ERI1: variants seen among roughly 807,000 people sequenced by gnomAD.
The protein encoded by ERI1 is 3'-5' exoribonuclease 1.
In ERI1, 39 loss-of-function variants were observed where a neutral mutation model predicts 39.7. The ratio of observed to expected loss-of-function variants is 0.98; its 90% CI spans 0.76 to 1.28. The LOEUF is 1.28. Ranked by LOEUF, ERI1 falls within the 50% of genes most tolerant of loss-of-function variation. The pLI is 0.00. For synonymous variants in ERI1, 204 were observed against 149.6 expected (o/e 1.36, Z -2.65); for missense variants, 581 against 416.9 (o/e 1.39, Z -3.43).
chr8:9,044,662 A>C (rs1052979124), intron 3 of ERI1, among the ~76,000 whole-genome samples: 1 of 152,124 alleles, frequency 6.6e-6, no homozygotes, highest in South Asian at 2.1e-4. Context: ...AGAACAAATC[A>C]TGACATTAGA....
rs1815528250 is a variant in ERI1 at position 9,002,980 on chromosome 8, A to G, written c.-84A>G. On this transcript the variant is annotated 5_prime_UTR_variant, in exon 1 of 7. Coordinates refer to ENST00000250263, the MANE Select transcript of ERI1 (RefSeq NM_153332.4). The stretch of plus-strand genomic sequence containing the variant: ...CGCGAGCCCGGTAATTTTTCAACGG[A>G]GAAAGGCGAGGCTTTCGGGCTCTGC... 1 of 995,286 alleles carries G rather than the reference A, an allele frequency of 1.0e-6. No homozygotes were observed. The highest frequency in any genetic ancestry group is 1.7e-5 in the African/African-American group (1 of 59,844). The allele number at this position is 995,286 out of a possible 1,614,324, so 61.7% of individuals were successfully genotyped here.
At chr8:9,014,568 C>T (rs1223474368) in intron 3 of ERI1, among the ~76,000 whole-genome samples, 1 of 152,084 alleles carries the variant, frequency 6.6e-6, no homozygotes, top group Non-Finnish European at 1.5e-5. Context: ...AAGATTTGGC[C>T]AATGAATGTA....
chr8:9,040,456 G>A (rs1342084753), intron 3 of ERI1, among the ~76,000 whole-genome samples: 1 of 152,202 alleles, frequency 6.6e-6, no homozygotes, highest in African/African-American at 2.4e-5. Context: ...CTGGGAAGGT[G>A]AGTGGTGTCT....
At position 9,064,057 on chromosome 8, in the gene ERI1, GGC is replaced by G. The variant is rs1192279582; in HGVS notation, n.299+43594_299+43595del. ...TTGGGGTGTGTAAATAAGGGGTTGGGGCACAGAGATAAGAGGTTGGAGTGTGG... is the reference window on the plus strand; with the variant it reads ...TTGGGGTGTGTAAATAAGGGGTTGGGACAGAGATAAGAGGTTGGAGTGTGG... On this transcript the variant is annotated intron_variant and non_coding_transcript_variant, in intron 3 of 3. Transcript: ENST00000518663. 3.1e-4 allele frequency among the ~76,000 whole-genome samples: 47 copies of G among 152,016 alleles called. 1 individual carries two copies. Among genetic ancestry groups the G allele is most frequent in the Admixed American group, 2.2e-3 (33 of 15,266 alleles).
rs150921531 is a variant in ERI1 at position 9,013,625 on chromosome 8, A to G, written c.498+1873A>G. 7.9e-4 allele frequency among the ~76,000 whole-genome samples: 120 copies of G among 152,196 alleles called. 2 individuals are homozygous for G. In the East Asian group the frequency reaches 0.021, roughly 27 times the overall value. ...GCTGTCTCTTTGCTGGTGACTTTCAAATACATATTTCCAACCCGTTCCAAA... is the reference window on the plus strand; with the variant it reads ...GCTGTCTCTTTGCTGGTGACTTTCAGATACATATTTCCAACCCGTTCCAAA... On this transcript the variant is annotated intron_variant, in intron 3 of 6. Coordinates refer to ENST00000250263, the MANE Select transcript of ERI1 (RefSeq NM_153332.4).
intron 6 of ERI1, among the ~76,000 whole-genome samples, chr8:9,023,347 G>T (rs1243147141): frequency 6.6e-6 from 1 of 151,914 alleles, no homozygotes; most frequent in East Asian, 1.9e-4. Context: ...TGAGAAGCTC[G>T]ATCCCCTTTA....
At chr8:9,047,173 G>A (rs1383358508) in intron 3 of ERI1, among the ~76,000 whole-genome samples, 2 of 152,132 alleles carry the variant, frequency 1.3e-5, no homozygotes, top group Admixed American at 1.3e-4. Flanking sequence ...ACCTACTTAG[G>A]AAACACATTC....
intron 3 of ERI1, among the ~76,000 whole-genome samples, chr8:9,063,664 G>C (rs1017734270): frequency 3.3e-5 from 5 of 152,024 alleles, no homozygotes; most frequent in African/African-American, 1.2e-4. Context: ...ACTAGGGAGG[G>C]TCCAATGTGT....
chr8:9,069,408 G>C (rs1585280902), intron 3 of ERI1, among the ~76,000 whole-genome samples: 2 of 152,298 alleles, frequency 1.3e-5, no homozygotes, highest in South Asian at 4.1e-4. Flanking sequence ...AAAAGGTGTG[G>C]TAACATTCCA....
chr8:9,058,773 G>T (rs1798591689), intron 3 of ERI1, among the ~76,000 whole-genome samples: 1 of 151,858 alleles, frequency 6.6e-6, no homozygotes, highest in South Asian at 2.1e-4. Flanking sequence ...TTCATCGTTG[G>T]ACAACATTGT....
rs28542293 is a variant in ERI1 at position 9,014,718 on chromosome 8, A to G, written c.499-1604A>G. On this transcript the variant is annotated intron_variant, in intron 3 of 6. Coordinates refer to ENST00000250263, the MANE Select transcript of ERI1 (RefSeq NM_153332.4). ...TGAAAGAATGTCATTTAGAATGATA[A>G]AATAGTGATACTTAAAAGGATATAG... is the stretch of plus-strand genomic sequence containing the variant. Among the ~76,000 whole-genome samples the G allele has an allele frequency of 7.9e-3, 1,210 of 152,364 alleles. 16 individuals carry two copies. The highest frequency in any genetic ancestry group is 0.028 in the African/African-American group (1,163 of 41,582).
At chr8:9,098,283 G>C (rs139075071) in intron 3 of ERI1, among the ~76,000 whole-genome samples, 4,888 of 152,304 alleles carry the variant, frequency 0.032, 253 homozygotes, top group East Asian at 0.27. Flanking sequence ...ACTTTGGGAG[G>C]CTGAGGCGGG....
chr8:9,063,394 G>A lies in ERI1; in HGVS notation n.299+42930G>A, dbSNP rs566463836. 4.6e-5 allele frequency among the ~76,000 whole-genome samples: 7 copies of A among 152,262 alleles called. No individual in the cohort carries two copies. In the South Asian group the frequency reaches 1.2e-3, roughly 27 times the overall value. ...CTTTTTAAGAGGAAATTGCTGGGCAGGTGGGGGAGGGCTAGTCATGGAATG... is the reference window on the plus strand; with the variant it reads ...CTTTTTAAGAGGAAATTGCTGGGCAAGTGGGGGAGGGCTAGTCATGGAATG... On this transcript the variant is annotated intron_variant and non_coding_transcript_variant, in intron 3 of 3. Coordinates refer to the ERI1 transcript ENST00000518663.
intron 3 of ERI1, among the ~76,000 whole-genome samples, chr8:9,097,855 G>A (rs568648249): frequency 1.6e-4 from 24 of 152,082 alleles, no homozygotes; most frequent in African/African-American, 5.8e-4. Context: ...AAAAAAAAAT[G>A]CTTAACAACC....
rs550391671 is a variant in ERI1 at position 9,086,378 on chromosome 8, C to A, written n.300-29970C>A. ...CAGCCTGGGTAATATGGCAAAACCC[C>A]GTCTCTACAAAAAATACAAAAACTA... On this transcript the variant is annotated intron_variant and non_coding_transcript_variant, in intron 3 of 3. Coordinates refer to the ERI1 transcript ENST00000518663. Among the ~76,000 whole-genome samples, 57 of 152,086 alleles carry A rather than the reference C, an allele frequency of 3.7e-4. No individual in the cohort carries two copies. The South Asian group carries it at 0.012, about 31-fold the overall frequency.
chr8:9,053,428 G>A (rs1324078987), intron 3 of ERI1, among the ~76,000 whole-genome samples: 2 of 152,186 alleles, frequency 1.3e-5, no homozygotes, highest in African/African-American at 4.8e-5. Flanking sequence ...GTGCTGGGAG[G>A]ATGGCATGCC....
intron 3 of ERI1, among the ~76,000 whole-genome samples, chr8:9,093,061 A>T (rs749283252): frequency 6.6e-6 from 1 of 152,200 alleles, no homozygotes; most frequent in African/African-American, 2.4e-5. Context: ...GCTTTTTATA[A>T]GGACATCAGT....
chr8:9,050,471 C>T lies in ERI1; in HGVS notation n.299+30007C>T, dbSNP rs573127064. 3.2e-4 allele frequency among the ~76,000 whole-genome samples: 48 copies of T among 149,514 alleles called. 1 individual carries two copies. Among genetic ancestry groups the T allele is most frequent in the Middle Eastern group, 6.8e-3 (2 of 294 alleles). ...GCAGTGAGCTGAGACGGTGCCATTA[C>T]ACTCCAGCCTGGGCAACAAGAGTGA... On this transcript the variant is annotated intron_variant and non_coding_transcript_variant, in intron 3 of 3. Transcript: ENST00000518663.
intron 3 of ERI1, among the ~76,000 whole-genome samples, chr8:9,050,375 C>T (rs1798318036): frequency 6.6e-6 from 1 of 152,022 alleles, no homozygotes; most frequent in South Asian, 2.1e-4. Flanking sequence ...AGCGTGGTGG[C>T]ACATGCCTGT....
Sources: gnomAD v4.1 joint callset for allele counts (sites outside exome capture counted in the v4.1 genomes callset) on GRCh38, gnomAD v4.1.1 for gene constraint, MANE v1.5 for transcripts, NCBI Gene and HGNC (gene_info 2026-07-23, HGNC 2026-07-21) for gene names.